ACAD10: variants seen among roughly 807,000 people sequenced by gnomAD.
ACAD10 encodes the protein ACAD-10.
A neutral mutation model predicts 116.8 loss-of-function variants in ACAD10; 112 were observed. The observed-to-expected ratio is 0.96, with a 90% confidence interval of 0.82 to 1.12. The LOEUF (loss-of-function observed/expected upper bound fraction) is 1.12, where lower values mean the gene tolerates loss of function less well. Ranked by LOEUF, ACAD10 falls within the 50% of genes most tolerant of loss-of-function variation. The pLI, the probability that ACAD10 is intolerant of heterozygous loss-of-function variation, is 0.00. For synonymous variants in ACAD10, 486 were observed against 510.6 expected (o/e 0.95, Z 0.65); for missense variants, 1,259 against 1,350.2 (o/e 0.93, Z 1.06).
intron 12 of ACAD10, among the ~76,000 whole-genome samples, chr12:111,737,565 C>T (rs1889605581): frequency 6.6e-6 from 1 of 152,144 alleles, no homozygotes; most frequent in Admixed American, 6.6e-5. Context: ...CATTCATGCA[C>T]ATGATCAAAA....
chr12:111,686,122 G>T lies in ACAD10; in HGVS notation c.-131G>T, dbSNP rs1341310375. ...CGTCGTGGAGATTGCTTGCGCTGGG[G>T]TGCCACACTTAGGCTGAGCTGCAGG... On this transcript the variant is annotated 5_prime_UTR_variant, in exon 1 of 21. Coordinates refer to ENST00000313698, the MANE Select transcript of ACAD10 (RefSeq NM_025247.6). 1.2e-5 allele frequency: 2 copies of T among 173,346 alleles called. No homozygotes were observed. Among genetic ancestry groups the T allele is most frequent in the African/African-American group, 2.4e-5 (1 of 42,250 alleles). The allele number at this position is 173,346 out of a possible 1,614,324, so 10.7% of individuals were successfully genotyped here. A position where few individuals can be genotyped will look rare whatever the true frequency, so the allele number is the denominator to read the frequency against.
At chr12:111,720,773 C>A (rs867364118) in intron 7 of ACAD10, among the ~76,000 whole-genome samples, 14 of 151,590 alleles carry the variant, frequency 9.2e-5, no homozygotes, top group East Asian at 7.7e-4. Flanking sequence ...TATTTTATTT[C>A]TTTTATTTAT....
intron 2 of ACAD10, 89 bp downstream of exon 2, chr12:111,692,985 G>A (rs549032115): frequency 1.4e-6 from 2 of 1,439,330 alleles, no homozygotes; most frequent in East Asian, 2.3e-5. Context: ...GAACACTTGG[G>A]CAGCAGTGTG....
At chr12:111,735,016 G>A (rs1340814755) in intron 11 of ACAD10, among the ~76,000 whole-genome samples, 2 of 152,140 alleles carry the variant, frequency 1.3e-5, no homozygotes, top group African/African-American at 4.8e-5. Flanking sequence ...GAGGTCAGGA[G>A]ATCGAGACCA....
rs1178203660 is a variant in ACAD10 at position 111,736,873 on chromosome 12, C to T, written c.1583C>T (p.Ala528Val). 6.2e-7 allele frequency: 1 copy of T among 1,614,148 alleles called. No individual in the cohort carries two copies. The highest frequency in any genetic ancestry group is 1.3e-5 in the African/African-American group (1 of 75,052). The change falls in exon 12 of 21, where the codon GCA becomes GTA. Residue 528 changes from alanine to valine, a missense_variant. Coordinates refer to ENST00000313698, the MANE Select transcript of ACAD10 (RefSeq NM_025247.6). ...CDLTQLGIPA[A>V]EEYFRMYCLQ... is the part of the protein sequence containing the mutation. ...TTGACACAGCTGGGAATCCCTGCTG[C>T]AGAGGAGTATTTCAGGATGTACTGT...
intron 2 of ACAD10, among the ~76,000 whole-genome samples, chr12:111,694,901 G>T (rs1360331125): frequency 6.6e-6 from 1 of 152,104 alleles, no homozygotes; most frequent in Non-Finnish European, 1.5e-5. Context: ...GGTGGTGCAT[G>T]GATGTAGTCC....
chr12:111,723,653 C>T (rs567465723), intron 8 of ACAD10, among the ~76,000 whole-genome samples: 7 of 143,278 alleles, frequency 4.9e-5, no homozygotes, highest in South Asian at 4.4e-4. Flanking sequence ...GCTGACCCCC[C>T]GACCTCCCTC....
In ACAD10 at chr12:111,756,387, T is replaced by C; in HGVS notation, c.3094T>C (p.Trp1032Arg). ...SDYPLAQFFT[W>R]ARALRFADGP... ...CTACCCACTGGCTCAGTTCTTCACCTGGGCCCGAGCCCTGCGCTTTGCCGA... is the reference window on the plus strand; with the variant it reads ...CTACCCACTGGCTCAGTTCTTCACCCGGGCCCGAGCCCTGCGCTTTGCCGA... The change falls in exon 21 of 21, where the codon TGG becomes CGG. Residue 1032 changes from tryptophan (W) to arginine (R), a missense_variant. Transcript: ENST00000313698. 1 of 1,612,010 alleles carries C rather than the reference T, an allele frequency of 6.2e-7. No individual in the cohort carries two copies. The highest frequency in any genetic ancestry group is 8.5e-7 in the Non-Finnish European group (1 of 1,179,688).
intron 19 of ACAD10, among the ~76,000 whole-genome samples, 178 bp downstream of exon 19, chr12:111,754,093 T>C (rs1304459688): frequency 1.3e-5 from 2 of 152,210 alleles, no homozygotes; most frequent in African/African-American, 2.4e-5. Context: ...CCTTTGTGTT[T>C]TACTGACCTG....
At chr12:111,725,803 G>A (rs1326739930) in intron 8 of ACAD10, among the ~76,000 whole-genome samples, 1 of 151,734 alleles carries the variant, frequency 6.6e-6, no homozygotes, top group Admixed American at 6.6e-5. Flanking sequence ...CCAAAGTGCT[G>A]GATTACAGGT....
chr12:111,698,962 C>T (rs1291049163), intron 2 of ACAD10, among the ~76,000 whole-genome samples: 1 of 151,798 alleles, frequency 6.6e-6, no homozygotes, highest in Non-Finnish European at 1.5e-5. Context: ...TCACTGCAAC[C>T]TCTGCCTCCC....
chr12:111,751,594 G>T (rs1229058136), intron 18 of ACAD10, among the ~76,000 whole-genome samples: 1 of 152,182 alleles, frequency 6.6e-6, no homozygotes, highest in African/African-American at 2.4e-5. Context: ...AGCTGGGCAT[G>T]GTGGCACATG....
At chr12:111,701,472 G>A (rs1042228948) in intron 2 of ACAD10, among the ~76,000 whole-genome samples, 8 of 152,116 alleles carry the variant, frequency 5.3e-5, no homozygotes, top group African/African-American at 1.9e-4. Flanking sequence ...TGAGATCAGC[G>A]TGGCCAACAT....
intron 2 of ACAD10, among the ~76,000 whole-genome samples, chr12:111,694,783 T>G (rs1391851894): frequency 6.6e-6 from 1 of 152,164 alleles, no homozygotes; most frequent in Non-Finnish European, 1.5e-5. Flanking sequence ...CTCAGCAATT[T>G]AGGAGGCCGA....
chr12:111,755,438 G>A (rs141160359), intron 19 of ACAD10, among the ~76,000 whole-genome samples: 81 of 152,084 alleles, frequency 5.3e-4, no homozygotes, highest in African/African-American at 1.6e-3. Flanking sequence ...GTCTCACTCT[G>A]TTGTCCAGGC....
At position 111,753,819 on chromosome 12, in the gene ACAD10, A is replaced by G. The variant is rs780079401; in HGVS notation, c.2865A>G (p.Thr955=). ...GGAAGCCCCTGGTGGAGCAGGGCAC[A>G]GTGCTGGCGGACATCGCGCAGTCGC... ...AFGKPLVEQG[T]VLADIAQSRV... is the part of the protein sequence containing the mutation. Residue 955 remains threonine, a synonymous_variant, in exon 19 of 21, where the codon ACA becomes ACG. Coordinates refer to ENST00000313698, the MANE Select transcript of ACAD10 (RefSeq NM_025247.6). The G allele has an allele frequency of 1.2e-6, 2 of 1,613,904 alleles. No homozygotes were observed. The highest frequency in any genetic ancestry group is 2.2e-5 in the East Asian group (1 of 44,894).
At chr12:111,721,914 G>A (rs1889024026) in intron 8 of ACAD10, 175 bp downstream of exon 8, 1 of 432,100 alleles carries the variant, frequency 2.3e-6, no homozygotes, top group East Asian at 3.4e-5. Context: ...TGCAAGATAA[G>A]TATATGCCTG....
chr12:111,756,885 C>T lies in ACAD10; in HGVS notation c.*412C>T, dbSNP rs1184206967. On this transcript the variant is annotated 3_prime_UTR_variant, in exon 21 of 21. Transcript: ENST00000313698. ...GCTCTGGCAGCTGCAGGGTTCCTGT[C>T]TGGCCTCCCTGGTGAGCAGAGGGGC... 8 of 459,822 alleles carry T rather than the reference C, an allele frequency of 1.7e-5. No homozygotes were observed. In the East Asian group the frequency reaches 5.5e-4, roughly 32 times the overall value. The allele number at this position is 459,822 out of a possible 1,614,324, so 28.5% of individuals were successfully genotyped here.
chr12:111,756,757 G>A lies in ACAD10; in HGVS notation c.*284G>A, dbSNP rs2068088541. ...GTCTTCAGGCTCTCAGTCCCAGGCTGGGCAGGCACGGTCACTTCACTTCAG... is the reference window on the plus strand; with the variant it reads ...GTCTTCAGGCTCTCAGTCCCAGGCTAGGCAGGCACGGTCACTTCACTTCAG... On this transcript the variant is annotated 3_prime_UTR_variant, in exon 21 of 21. Transcript: ENST00000313698. 2 of 584,066 alleles carry A rather than the reference G, an allele frequency of 3.4e-6. No homozygotes were observed. The highest frequency in any genetic ancestry group is 3.9e-5 in the East Asian group (1 of 25,398). 36.2% of individuals were successfully genotyped at this position (584,066 alleles called of 1,614,324 possible).
Sources: gnomAD v4.1 joint callset for allele counts (sites outside exome capture counted in the v4.1 genomes callset) on GRCh38, gnomAD v4.1.1 for gene constraint, MANE v1.5 for transcripts, NCBI Gene and HGNC (gene_info 2026-07-23, HGNC 2026-07-21) for gene names.